OCA2: variants seen among roughly 807,000 people sequenced by gnomAD.
OCA2 encodes the protein P protein.
OCA2 carries 77 observed loss-of-function variants against 100.2 expected under a neutral mutation model. The observed-to-expected ratio is 0.77, with a 90% CI of 0.64 to 0.93. The LOEUF is 0.93. Ranked by LOEUF, OCA2 falls within the 40% of genes least tolerant of loss-of-function variation. OCA2 has a pLI of 0.00. For synonymous variants in OCA2, 432 were observed against 439.2 expected, an observed-to-expected ratio of 0.98 and a Z score of 0.21; for missense variants, 1,062 against 1,089.1, an observed-to-expected ratio of 0.98 and a Z score of 0.35.
intron 19 of OCA2, among the ~76,000 whole-genome samples, chr15:27,919,962 T>C (rs2038798928): frequency 6.6e-6 from 1 of 152,058 alleles, no homozygotes; most frequent in Non-Finnish European, 1.5e-5. Context: ...AAGACTTAAA[T>C]AGAGCAATCA....
At chr15:27,744,483 C>T in the OCA2 span, among the ~76,000 whole-genome samples, 3 of 152,158 alleles carry the variant, frequency 2.0e-5, no homozygotes, top group Non-Finnish European at 2.9e-5. Context: ...AGGATTTGCT[C>T]TTCTCAAGGT....
At chr15:27,878,584 T>C (rs927155355) in intron 19 of OCA2, among the ~76,000 whole-genome samples, 1 of 152,182 alleles carries the variant, frequency 6.6e-6, no homozygotes, top group Non-Finnish European at 1.5e-5. Flanking sequence ...GTCATTCAAA[T>C]CATAGTCCCT....
intron 14 of OCA2, among the ~76,000 whole-genome samples, chr15:27,970,912 A>T (rs1207390980): frequency 6.6e-6 from 1 of 151,158 alleles, no homozygotes; most frequent in African/African-American, 2.4e-5. Flanking sequence ...TGATGGGAAA[A>T]CGTAAAGAAC....
chr15:28,068,479 C>A (rs1192362418), intron 2 of OCA2, among the ~76,000 whole-genome samples: 1 of 152,122 alleles, frequency 6.6e-6, no homozygotes, highest in Non-Finnish European at 1.5e-5. Flanking sequence ...AAGCCCTGGG[C>A]CAGATGGATT....
chr15:27,967,042 AT>A (rs540755200), intron 14 of OCA2, among the ~76,000 whole-genome samples: 227 of 152,330 alleles, frequency 1.5e-3, no homozygotes, highest in Non-Finnish European at 2.0e-3. Flanking sequence ...AGGCAGGAGA[AT>A]GGCGTGAACC....
intron 23 of OCA2, among the ~76,000 whole-genome samples, chr15:27,819,716 A>ATG (rs35627155): frequency 0.5 from 75,714 of 151,570 alleles, 19,528 homozygotes; most frequent in South Asian, 0.76. Flanking sequence ...ATGTATATAA[A>ATG]TGTGTGTGTG....
At chr15:27,984,263 C>T (rs553414150) in intron 13 of OCA2, among the ~76,000 whole-genome samples, 2 of 152,156 alleles carry the variant, frequency 1.3e-5, no homozygotes, top group Non-Finnish European at 2.9e-5. Context: ...GGGAGTCCTA[C>T]AACTCGCCCA....
chr15:27,993,210 T>C (rs1273010138), intron 9 of OCA2, among the ~76,000 whole-genome samples: 1 of 152,204 alleles, frequency 6.6e-6, no homozygotes, highest in Non-Finnish European at 1.5e-5. Flanking sequence ...CTAATTTTTA[T>C]TGAGCACCTA....
intron 23 of OCA2, among the ~76,000 whole-genome samples, chr15:27,761,320 T>C (rs1011761089): frequency 6.6e-6 from 1 of 152,038 alleles, no homozygotes; most frequent in African/African-American, 2.4e-5. Flanking sequence ...AAATTAAAAT[T>C]AAAAACACAA....
chr15:27,925,329 C>T (rs1459605361), intron 19 of OCA2, among the ~76,000 whole-genome samples: 3 of 152,006 alleles, frequency 2.0e-5, no homozygotes, highest in East Asian at 1.9e-4. Flanking sequence ...AATGCTAGAC[C>T]GTAAAACAAG....
chr15:28,063,890 T>A (rs1428043251), intron 2 of OCA2, among the ~76,000 whole-genome samples: 1 of 152,152 alleles, frequency 6.6e-6, no homozygotes, highest in Non-Finnish European at 1.5e-5. Flanking sequence ...TTACTGGTGC[T>A]CTGTTTTTCC....
At chr15:28,082,146 T>C (rs2044656499) in intron 1 of OCA2, among the ~76,000 whole-genome samples, 1 of 152,154 alleles carries the variant, frequency 6.6e-6, no homozygotes, top group African/African-American at 2.4e-5. Flanking sequence ...ACTCTGTGTC[T>C]AGCTAGAGGA....
At chr15:28,041,894 T>C (rs193157168) in intron 2 of OCA2, among the ~76,000 whole-genome samples, 1 of 152,208 alleles carries the variant, frequency 6.6e-6, no homozygotes, top group East Asian at 1.9e-4. Flanking sequence ...ATTTATTTGG[T>C]TTTAGATAGA....
At chr15:27,913,907 GCAAGCAA>G (rs2038555414) in intron 19 of OCA2, among the ~76,000 whole-genome samples, 1 of 42,440 alleles carries the variant, frequency 2.4e-5, no homozygotes, top group Non-Finnish European at 4.2e-5. Flanking sequence ...AAGCAAGCAA[GCAAGCAA>G]GCAAGCAAGC....
intron 5 of OCA2, 49 bp from the exon 6 acceptor site, chr15:28,022,622 TAAGGTATAAATCATTTTG>T (rs1566809756): frequency 7.3e-7 from 1 of 1,378,218 alleles, no homozygotes; most frequent in Admixed American, 1.7e-5. Flanking sequence ...ATGAGAGCAG[TAAGGTATAAATCATTTTG>T]ATAACAGTCG....
chr15:27,771,290 G>A (rs2031829743), intron 23 of OCA2, among the ~76,000 whole-genome samples: 1 of 151,868 alleles, frequency 6.6e-6, no homozygotes, highest in African/African-American at 2.4e-5. Context: ...CAAGGTCACA[G>A]CGCTACTGCC....
In OCA2 at chr15:27,983,388, G is replaced by A. The variant is rs1595760903; in HGVS notation, c.1460C>T (p.Pro487Leu). 6.2e-7 allele frequency: 1 copy of A among 1,614,180 alleles called. No individual in the cohort carries two copies. Among genetic ancestry groups the A allele is most frequent in the East Asian group, 2.2e-5 (1 of 44,880 alleles). ...IGGAATAIGD[P>L]PNVIIVSNQE... ...GTTGGAAACAATAATGACATTTGGA[G>A]GGTCCCCGATGGCAGTGGCAGCTCC... is the stretch of plus-strand genomic sequence containing the variant. The change falls in exon 14 of 24, where the codon CCT becomes CTT. Residue 487 changes from proline (P) to leucine (L), a missense_variant. Coordinates refer to ENST00000354638, the MANE Select transcript of OCA2 (RefSeq NM_000275.3).
the OCA2 span, among the ~76,000 whole-genome samples, chr15:27,733,779 C>A: frequency 6.6e-6 from 1 of 151,952 alleles, no homozygotes; most frequent in Non-Finnish European, 1.5e-5. Context: ...CATTTTAAAT[C>A]ATCACATTTT....
At chr15:28,014,232 T>C (rs1334099640) in intron 9 of OCA2, among the ~76,000 whole-genome samples, 2 of 152,322 alleles carry the variant, frequency 1.3e-5, no homozygotes, top group Non-Finnish European at 2.9e-5. Flanking sequence ...ATTGAAGGCA[T>C]AGCCACACTT....
Sources: allele counts gnomAD v4.1 joint callset (sites outside exome capture counted in the v4.1 genomes callset), GRCh38; gene constraint gnomAD v4.1.1; transcripts MANE v1.5; gene names NCBI Gene and HGNC (gene_info 2026-07-23, HGNC 2026-07-21).